The following RNF220 variants were observed in gnomAD, a reference collection of about 807,000 sequenced individuals.
The protein encoded by RNF220 is ring finger protein 220.
In RNF220, 7 loss-of-function variants were observed where a neutral mutation model predicts 67.1. The ratio of observed to expected loss-of-function variants is 0.10; its 90% CI spans 0.06 to 0.20. RNF220 has a LOEUF of 0.20. RNF220 is among the 10% of genes least tolerant of loss of function. The probability of loss-of-function intolerance (pLI) is 1.00; values close to 1 mark genes in which losing one functional copy is unlikely to be tolerated. For synonymous variants in RNF220, 270 were observed against 283.2 expected (o/e 0.95, Z 0.47); for missense variants, 565 against 740.3 (o/e 0.76, Z 2.75).
chr1:44,533,502 A>T lies in RNF220; in HGVS notation c.626-80663A>T, dbSNP rs144552048. Among the ~76,000 whole-genome samples, 425 of 152,310 alleles carry T rather than the reference A, an allele frequency of 2.8e-3. 2 individuals are homozygous for T. The highest frequency in any genetic ancestry group is 9.1e-3 in the African/African-American group (378 of 41,580). On this transcript the variant is annotated intron_variant, in intron 2 of 14. Transcript: ENST00000361799. Reference sequence around the variant, plus strand: ...ACCCCGTCTCAGAAAAAATAAAAGAAAAAGAAATAAAGTTTTAGTCCAGGT... The same window carrying T: ...ACCCCGTCTCAGAAAAAATAAAAGATAAAGAAATAAAGTTTTAGTCCAGGT...
At chr1:44,557,153 T>A (rs1474624979) in intron 2 of RNF220, among the ~76,000 whole-genome samples, 4 of 146,440 alleles carry the variant, frequency 2.7e-5, no homozygotes, top group Non-Finnish European at 4.5e-5. Context: ...TATGTATATA[T>A]AATATATATA....
At chr1:44,562,211 G>A (rs1185054748) in intron 2 of RNF220, among the ~76,000 whole-genome samples, 1 of 152,130 alleles carries the variant, frequency 6.6e-6, no homozygotes, top group Non-Finnish European at 1.5e-5. Context: ...AGGTCTGAAC[G>A]TAGTTTGGCA....
chr1:44,614,342 AGGGTTCTGGCCACCG>A, intron 3 of RNF220, 45 bp downstream of exon 3: 1 of 1,602,488 alleles, frequency 6.2e-7, no homozygotes, highest in South Asian at 1.1e-5. Flanking sequence ...GAGTCCACTC[AGGGTTCTGGCCACCG>A]GATCCCAGAA....
At chr1:44,648,643 T>A (rs1400782042) in intron 12 of RNF220, 2 of 152,170 alleles carry the variant, frequency 1.3e-5, no homozygotes, top group Admixed American at 6.5e-5. Flanking sequence ...GCATCTGATA[T>A]ATCTAGGAAG....
At position 44,608,958 on chromosome 1, in the gene RNF220, T is replaced by C. The variant is rs866187655; in HGVS notation, c.626-5207T>C. Reference sequence around the variant, plus strand: ...ATGACTCCTCACTTGTACACAGCCCTGATTTCACTGGATCTTCACAGAAGT... The same window carrying C: ...ATGACTCCTCACTTGTACACAGCCCCGATTTCACTGGATCTTCACAGAAGT... On this transcript the variant is annotated intron_variant, in intron 2 of 14. Coordinates refer to ENST00000361799, the MANE Select transcript of RNF220 (RefSeq NM_018150.4). 5.8e-4 allele frequency among the ~76,000 whole-genome samples: 89 copies of C among 152,330 alleles called. 2 individuals carry two copies. Among genetic ancestry groups the C allele is most frequent in the South Asian group, 4.1e-4 (2 of 4,826 alleles).
intron 2 of RNF220, among the ~76,000 whole-genome samples, chr1:44,456,699 C>A (rs937616023): frequency 6.6e-6 from 1 of 152,190 alleles, no homozygotes; most frequent in Admixed American, 6.5e-5. Context: ...TCTAAAATCA[C>A]AAACCTGAAA....
At chr1:44,615,027 T>C (rs1361109048) in intron 3 of RNF220, among the ~76,000 whole-genome samples, 1 of 152,172 alleles carries the variant, frequency 6.6e-6, no homozygotes, top group African/African-American at 2.4e-5. Context: ...ACTTGGTGGC[T>C]GGGAGCTGGG....
At chr1:44,447,605 C>T (rs1385732973) in intron 2 of RNF220, among the ~76,000 whole-genome samples, 1 of 152,156 alleles carries the variant, frequency 6.6e-6, no homozygotes, top group African/African-American at 2.4e-5. Flanking sequence ...TATGTAGCCG[C>T]CATGGATGAA....
chr1:44,489,509 C>T (rs951349275), intron 2 of RNF220, among the ~76,000 whole-genome samples: 25 of 152,228 alleles, frequency 1.6e-4, no homozygotes, highest in Admixed American at 1.6e-3. Context: ...TTAGTGAATA[C>T]ACATTGAGTT....
At chr1:44,631,794 C>T (rs1355127618) in intron 5 of RNF220, 1 of 607,766 alleles carries the variant, frequency 1.6e-6, no homozygotes, top group Non-Finnish European at 2.1e-6. Context: ...GGAAGGACTT[C>T]GCAGCCGCTA....
At chr1:44,602,978 CCCT>C (rs945094566) in intron 2 of RNF220, among the ~76,000 whole-genome samples, 5 of 151,902 alleles carry the variant, frequency 3.3e-5, no homozygotes, top group Non-Finnish European at 5.9e-5. Flanking sequence ...TCCACACCAC[CCCT>C]CCTCCTCCTC....
intron 2 of RNF220, among the ~76,000 whole-genome samples, chr1:44,433,259 T>C (rs1478511135): frequency 6.6e-6 from 1 of 152,190 alleles, no homozygotes; most frequent in Non-Finnish European, 1.5e-5. Flanking sequence ...ATTTGTCCTT[T>C]AATGAACATT....
intron 2 of RNF220, among the ~76,000 whole-genome samples, chr1:44,592,390 T>C (rs1041754196): frequency 1.6e-4 from 24 of 152,256 alleles, no homozygotes; most frequent in African/African-American, 5.1e-4. Context: ...TCTCAGGCCC[T>C]TATTGCACAC....
Position 44,649,666 on chromosome 1 carries a change from C to G in RNF220, c.1451C>G (p.Thr484Ser). Residue 484 changes from threonine to serine, a missense_variant, in exon 13 of 15, where the codon ACC becomes AGC. Thr to Ser is a moderately conservative substitution (Grantham distance 58). Coordinates refer to ENST00000361799, the MANE Select transcript of RNF220 (RefSeq NM_018150.4). The surrounding 1 kb of genome is among the most constrained non-coding windows in gnomAD (Gnocchi z 5.9). ...TCKNSDIEKI[T>S]EDSAVTTFEA... is the part of the protein sequence containing the mutation. ...CCATGCCTTCCTTTTTACAGAATCA[C>G]CGAAGATTCAGCTGTGACCACGTTT... 1 of 1,613,964 alleles carries G rather than the reference C, an allele frequency of 6.2e-7. No individual in the cohort carries two copies. Among genetic ancestry groups the G allele is most frequent in the East Asian group, 2.2e-5 (1 of 44,884 alleles).
chr1:44,498,262 C>T (rs927430536), intron 2 of RNF220, among the ~76,000 whole-genome samples: 1 of 152,122 alleles, frequency 6.6e-6, no homozygotes, highest in Non-Finnish European at 1.5e-5. Flanking sequence ...TCCACATGCT[C>T]TTGATAATAC....
rs1352982837 is a variant in RNF220, at chr1:44,622,698, G to A, written c.759-44G>A. 5 of 1,577,446 alleles carry A rather than the reference G, an allele frequency of 3.2e-6. No homozygotes were observed. The Admixed American group carries it at 6.7e-5, about 21-fold the overall frequency. ...TGCTACTCTACCGTTGCATGCCCTG[G>A]GCAGCAGGTAGAATGGTTACCCTGT... On this transcript the variant is annotated intron_variant, in intron 3 of 14. Transcript: ENST00000361799. This position sits in a 1 kb window ranked among gnomAD's most constrained non-coding sequence, Gnocchi z 4.3.
At chr1:44,626,765 G>A (rs1643953725) in intron 5 of RNF220, 1 of 209,770 alleles carries the variant, frequency 4.8e-6, no homozygotes. Flanking sequence ...CCGGCCGGGT[G>A]CAGTGGCTCA....
At position 44,645,720 on chromosome 1, in the gene RNF220, CGCCT is replaced by C. The variant is rs1009751098; in HGVS notation, c.1445+248_1445+251del. Among the ~76,000 whole-genome samples the C allele has an allele frequency of 2.6e-5, 4 of 152,160 alleles. No homozygotes were observed. Among genetic ancestry groups the C allele is most frequent in the African/African-American group, 4.8e-5 (2 of 41,450 alleles). On this transcript the variant is annotated intron_variant, in intron 12 of 14. Transcript: ENST00000361799. The surrounding 1 kb of genome is among the most constrained non-coding windows in gnomAD (Gnocchi z 5.0). ...TTGGCGGTGGGAGGAGCAGTCCACC[CGCCT>C]GCCTGCCTGCCTGCCCGCCTGCTGC...
intron 2 of RNF220, among the ~76,000 whole-genome samples, chr1:44,430,908 G>C (rs1650297084): frequency 2.0e-5 from 3 of 152,190 alleles, no homozygotes; most frequent in Non-Finnish European, 2.9e-5. Flanking sequence ...TTATAACCTA[G>C]CATTTATGAT....
Sources: allele counts gnomAD v4.1 joint callset (sites outside exome capture counted in the v4.1 genomes callset), GRCh38; gene constraint gnomAD v4.1.1; non-coding constraint Gnocchi (gnomAD v3.1); transcripts MANE v1.5; gene names NCBI Gene and HGNC (gene_info 2026-07-23, HGNC 2026-07-21).